The following PMFBP1 variants were observed in gnomAD, a reference collection of about 807,000 sequenced individuals.
PMFBP1 encodes polyamine-modulated factor 1-binding protein 1.
Under a neutral mutation model 137.8 loss-of-function variants are expected in PMFBP1, and 131 were observed. The observed-to-expected ratio is 0.95, with a 90% CI of 0.82 to 1.10. PMFBP1 has a LOEUF of 1.10. PMFBP1 is among the 50% of genes least tolerant of loss of function. The probability of loss-of-function intolerance (pLI) is 0.00; values close to 1 mark genes in which losing one functional copy is unlikely to be tolerated. For missense variants in PMFBP1, 1,199 were observed against 1,175.4 expected (o/e 1.02, Z -0.29); for synonymous variants, 490 against 450.4 (o/e 1.09, Z -1.11).
rs189597617 is a variant in PMFBP1, at chr16:72,144,964, C to T, written c.637-4382G>A. On this transcript the variant is annotated intron_variant, in intron 5 of 20. Transcript: ENST00000237353. Reference sequence around the variant, plus strand: ...TTAACACTCCACTGTCAATATTAGACAGACCAATGAGACAGAAAATTAACA... The same window carrying T: ...TTAACACTCCACTGTCAATATTAGATAGACCAATGAGACAGAAAATTAACA... Among the ~76,000 whole-genome samples, 770 of 152,258 alleles carry T rather than the reference C, an allele frequency of 5.1e-3. 8 individuals carry two copies. Among genetic ancestry groups the T allele is most frequent in the African/African-American group, 0.017 (725 of 41,552 alleles).
chr16:72,123,035 C>T lies in PMFBP1; in HGVS notation c.2694-47G>A, dbSNP rs201301973. 28 of 1,554,926 alleles carry T rather than the reference C, an allele frequency of 1.8e-5. No homozygotes were observed. The East Asian group carries it at 2.9e-4, about 16-fold the overall frequency. Reference sequence around the variant, plus strand: ...AAACAGCAGCCAGTCGCCAGCCTCCCGCGAGCAAGGGTGCAGCTGGCTGAA... The same window carrying T: ...AAACAGCAGCCAGTCGCCAGCCTCCTGCGAGCAAGGGTGCAGCTGGCTGAA... On this transcript the variant is annotated intron_variant, in intron 18 of 20. Transcript: ENST00000237353.
the PMFBP1 span, among the ~76,000 whole-genome samples, chr16:72,233,687 T>C: frequency 6.6e-6 from 1 of 152,182 alleles, no homozygotes; most frequent in Non-Finnish European, 1.5e-5. Context: ...GACTTTAGAA[T>C]ATTTTTATCA....
chr16:72,236,879 A>G, the PMFBP1 span, among the ~76,000 whole-genome samples: 2 of 152,220 alleles, frequency 1.3e-5, no homozygotes, highest in Non-Finnish European at 2.9e-5. Flanking sequence ...AATAATTGAG[A>G]AGAGTAATAA....
chr16:72,219,961 G>A, the PMFBP1 span, among the ~76,000 whole-genome samples: 4 of 152,160 alleles, frequency 2.6e-5, no homozygotes, highest in African/African-American at 9.7e-5. Context: ...TACCCAAAGA[G>A]GGGACTTGTG....
chr16:72,196,093 AG>A, the PMFBP1 span, among the ~76,000 whole-genome samples: 1 of 152,100 alleles, frequency 6.6e-6, no homozygotes, highest in Admixed American at 6.5e-5. Context: ...GAACTGATTC[AG>A]AAACTAACCC....
rs1278150525 is a variant in PMFBP1 at position 72,139,415 on chromosome 16, G to C, written c.808-16C>G. ...GCTCCAGAACCTGCAAATAAGCTTA[G>C]ATCAGTTATGCTGGATGATCAATGG... is the stretch of plus-strand genomic sequence containing the variant. On this transcript the variant is annotated splice_polypyrimidine_tract_variant and intron_variant, in intron 6 of 20. Coordinates refer to ENST00000237353, the MANE Select transcript of PMFBP1 (RefSeq NM_031293.3). 7 of 1,572,606 alleles carry C rather than the reference G, an allele frequency of 4.5e-6. No homozygotes were observed. The African/African-American group carries it at 6.8e-5, about 15-fold the overall frequency.
At chr16:72,130,860 A>C in intron 10 of PMFBP1, 138 bp from the exon 11 acceptor site, 1 of 753,052 alleles carries the variant, frequency 1.3e-6, no homozygotes, top group Non-Finnish European at 2.1e-6. Context: ...TCTCCATTTC[A>C]TGATCAGTCC....
At chr16:72,206,321 A>G in the PMFBP1 span, among the ~76,000 whole-genome samples, 1 of 152,182 alleles carries the variant, frequency 6.6e-6, no homozygotes, top group Admixed American at 6.5e-5. Flanking sequence ...CCTTCTGGTC[A>G]GGAGCCTCTG....
chr16:72,139,453 A>T, intron 6 of PMFBP1, 54 bp from the exon 7 acceptor site: 1 of 1,287,958 alleles, frequency 7.8e-7, no homozygotes, highest in Non-Finnish European at 1.1e-6. Flanking sequence ...CGTGCTTGTT[A>T]CCATGACTAT....
the PMFBP1 span, among the ~76,000 whole-genome samples, chr16:72,205,997 T>C: frequency 6.6e-6 from 1 of 152,076 alleles, no homozygotes; most frequent in Non-Finnish European, 1.5e-5. Context: ...CTCACTGCTT[T>C]GTTTTGCTCC....
At chr16:72,209,369 A>G in the PMFBP1 span, among the ~76,000 whole-genome samples, 5 of 152,126 alleles carry the variant, frequency 3.3e-5, no homozygotes, top group Admixed American at 3.3e-4. Flanking sequence ...GTTGAGACCC[A>G]CTTATTAATT....
chr16:72,185,809 C>T, the PMFBP1 span, among the ~76,000 whole-genome samples: 1 of 152,184 alleles, frequency 6.6e-6, no homozygotes, highest in African/African-American at 2.4e-5. Flanking sequence ...TAAGAGATCA[C>T]TGTCATGAGA....
the PMFBP1 span, among the ~76,000 whole-genome samples, chr16:72,193,600 T>C: frequency 6.6e-6 from 1 of 152,026 alleles, no homozygotes; most frequent in African/African-American, 2.4e-5. Flanking sequence ...GGAGATTTTT[T>C]ATGTGACCTA....
rs765403287 is a variant in PMFBP1 at position 72,136,720 on chromosome 16, A to G, written c.1018T>C (p.Ser340Pro). The change falls in exon 8 of 21, where the codon TCG becomes CCG. Residue 340 changes from serine to proline, a missense_variant. Coordinates refer to ENST00000237353, the MANE Select transcript of PMFBP1 (RefSeq NM_031293.3). Reference protein sequence around the residue: ...KDLRVELEAVSEQKRNIMKDM... With the variant: ...KDLRVELEAVPEQKRNIMKDM... The stretch of plus-strand genomic sequence containing the variant: ...TTCATGATGTTTCTCTTCTGTTCCG[A>G]CACGGCCTCTAGTTCCACGCGCAGA... 1 of 1,613,832 alleles carries G rather than the reference A, an allele frequency of 6.2e-7. No individual in the cohort carries two copies. The highest frequency in any genetic ancestry group is 8.5e-7 in the Non-Finnish European group (1 of 1,179,954).
At chr16:72,207,710 A>ATATGTGTGTGTGTGTG in the PMFBP1 span, among the ~76,000 whole-genome samples, 2 of 143,920 alleles carry the variant, frequency 1.4e-5, no homozygotes, top group African/African-American at 2.6e-5. Context: ...CCAGTAGGGC[A>ATATGTGTGTGTGTGTG]TGTGTGTGTG....
Position 72,138,931 on chromosome 16 carries a change from A to T in PMFBP1, c.918+358T>A, listed in dbSNP as rs572109165. On this transcript the variant is annotated intron_variant, in intron 7 of 20. Transcript: ENST00000237353. Reference sequence around the variant, plus strand: ...AGTTCTCAAAAAAAAAAAAAAAAGCAGGGGGAATAAATTTGGATTAATAAT... The same window carrying T: ...AGTTCTCAAAAAAAAAAAAAAAAGCTGGGGGAATAAATTTGGATTAATAAT... Among the ~76,000 whole-genome samples, 4 of 149,946 alleles carry T rather than the reference A, an allele frequency of 2.7e-5. No individual in the cohort carries two copies. In the East Asian group the frequency reaches 7.8e-4, roughly 29 times the overall value.
the PMFBP1 span, among the ~76,000 whole-genome samples, chr16:72,213,681 A>T: frequency 6.6e-6 from 1 of 152,254 alleles, no homozygotes; most frequent in East Asian, 1.9e-4. Context: ...TTGTAAGATA[A>T]TAAATACTCA....
chr16:72,207,198 T>C, the PMFBP1 span, among the ~76,000 whole-genome samples: 2 of 151,918 alleles, frequency 1.3e-5, no homozygotes, highest in Non-Finnish European at 2.9e-5. Flanking sequence ...AGATGGAAGA[T>C]GGAGAGGCCA....
intron 12 of PMFBP1, among the ~76,000 whole-genome samples, chr16:72,129,828 A>G (rs1382602032): frequency 6.6e-6 from 1 of 152,082 alleles, no homozygotes; most frequent in Non-Finnish European, 1.5e-5. Flanking sequence ...ATCTTTCCCA[A>G]ATAATGACTG....
Sources: gnomAD v4.1 joint callset for allele counts (sites outside exome capture counted in the v4.1 genomes callset) on GRCh38, gnomAD v4.1.1 for gene constraint, MANE v1.5 for transcripts, NCBI Gene and HGNC (gene_info 2026-07-23, HGNC 2026-07-21) for gene names.